OTOGL: variants seen among roughly 807,000 people sequenced by gnomAD.
The protein encoded by OTOGL is otogelin like.
Under a neutral mutation model 318.5 loss-of-function variants are expected in OTOGL, and 285 were observed. That is an observed-to-expected ratio of 0.89 (90% confidence interval 0.81 to 0.99). OTOGL has a LOEUF of 0.99. Among genes scored for constraint, OTOGL ranks in the 50% least tolerant of loss-of-function variants. The probability of loss-of-function intolerance (pLI) is 0.00; values close to 1 mark genes in which losing one functional copy is unlikely to be tolerated. For missense variants in OTOGL, 2,899 were observed against 2,845.6 expected (o/e 1.02, Z -0.43); for synonymous variants, 987 against 936.5 (o/e 1.05, Z -0.99).
chr12:80,114,005 G>T (rs926531438), intron 1 of OTOGL, among the ~76,000 whole-genome samples: 18 of 151,716 alleles, frequency 1.2e-4, no homozygotes, highest in African/African-American at 4.4e-4. Context: ...GCCTATGTGT[G>T]TCTTTGCACG....
rs1456145432 is a variant in OTOGL, at chr12:80,318,589, T to C, written c.3678T>C (p.Ser1226=). Residue 1226 remains serine (S), a synonymous_variant, in exon 33 of 59, where the codon AGT becomes AGC. Transcript: ENST00000547103. ...GPYMLASYGQ[S]GLVLGANMTS... Reference sequence around the variant, plus strand: ...ATATGCTGGCAAGCTATGGGCAGAGTGGCCTTGTTCTGGGGGCCAATATGA... The same window carrying C: ...ATATGCTGGCAAGCTATGGGCAGAGCGGCCTTGTTCTGGGGGCCAATATGA... 12 of 1,433,376 alleles carry C rather than the reference T, an allele frequency of 8.4e-6. No homozygotes were observed. The highest frequency in any genetic ancestry group is 1.1e-5 in the Non-Finnish European group (12 of 1,093,814). 88.8% of individuals were successfully genotyped at this position (1,433,376 alleles called of 1,614,324 possible).
chr12:80,122,831 C>G (rs1281938515), intron 1 of OTOGL, among the ~76,000 whole-genome samples: 1 of 152,116 alleles, frequency 6.6e-6, no homozygotes, highest in Non-Finnish European at 1.5e-5. Context: ...TTTCCAAATG[C>G]AGAAATCTAT....
intron 21 of OTOGL, 118 bp downstream of exon 21, chr12:80,266,734 T>C (rs1883007379): frequency 6.4e-6 from 7 of 1,085,846 alleles, no homozygotes; most frequent in Admixed American, 5.9e-5. Context: ...TTACTTTTTT[T>C]TTTAAAAAAC....
At chr12:80,300,772 C>G (rs948267932) in intron 27 of OTOGL, among the ~76,000 whole-genome samples, 4 of 152,086 alleles carry the variant, frequency 2.6e-5, no homozygotes, top group African/African-American at 7.2e-5. Flanking sequence ...ATCTGGAGAA[C>G]AGAGTTCCTA....
chr12:80,166,752 A>G (rs1256999244), intron 1 of OTOGL, among the ~76,000 whole-genome samples: 1 of 152,208 alleles, frequency 6.6e-6, no homozygotes, highest in African/African-American at 2.4e-5. Flanking sequence ...AATAGCAGAT[A>G]GTAGTGGAAT....
intron 24 of OTOGL, among the ~76,000 whole-genome samples, chr12:80,272,890 A>G (rs962461725): frequency 6.6e-6 from 1 of 152,134 alleles, no homozygotes; most frequent in African/African-American, 2.4e-5. Flanking sequence ...AAATAAGGCC[A>G]TAGAGCAGAT....
At chr12:80,240,849 G>T (rs1880315308) in intron 11 of OTOGL, among the ~76,000 whole-genome samples, 1 of 151,996 alleles carries the variant, frequency 6.6e-6, no homozygotes, top group Admixed American at 6.6e-5. Flanking sequence ...ATGAATGGTA[G>T]TTCATTGTAG....
Position 80,318,585 on chromosome 12 carries a change from A to G in OTOGL, c.3674A>G (p.Gln1225Arg). Reference protein sequence around the residue: ...EGPYMLASYGQSGLVLGANMT... With the variant: ...EGPYMLASYGRSGLVLGANMT... ...CCATATATGCTGGCAAGCTATGGGC[A>G]GAGTGGCCTTGTTCTGGGGGCCAAT... Residue 1225 changes from glutamine (Q) to arginine (R), a missense_variant, in exon 33 of 59, where the codon CAG becomes CGG. Physicochemically the swap from Gln to Arg is conservative, Grantham distance 43. This residue lies in a region of OTOGL where 2,607 missense variants were observed against 2,524.9 expected (regional missense o/e 1.03). Coordinates refer to ENST00000547103, the MANE Select transcript of OTOGL (RefSeq NM_001378609.3). The G allele has an allele frequency of 7.0e-7, 1 of 1,426,422 alleles. No individual in the cohort carries two copies. Among genetic ancestry groups the G allele is most frequent in the South Asian group, 1.7e-5 (1 of 60,570 alleles). The allele number at this position is 1,426,422 out of a possible 1,614,324, so 88.4% of individuals were successfully genotyped here.
chr12:80,209,176 G>T (rs1180665130), intron 1 of OTOGL, among the ~76,000 whole-genome samples: 2 of 152,086 alleles, frequency 1.3e-5, no homozygotes, highest in Non-Finnish European at 2.9e-5. Context: ...TGCAGGTGTG[G>T]GTGTAACTAA....
chr12:80,241,995 G>A (rs1237151695), intron 11 of OTOGL, among the ~76,000 whole-genome samples: 2 of 152,146 alleles, frequency 1.3e-5, no homozygotes, highest in Non-Finnish European at 2.9e-5. Flanking sequence ...TTTCATGCAT[G>A]CTTCCACTTT....
intron 33 of OTOGL, among the ~76,000 whole-genome samples, chr12:80,319,132 G>A (rs755640366): frequency 6.6e-6 from 1 of 152,136 alleles, no homozygotes; most frequent in Non-Finnish European, 1.5e-5. Context: ...AGTGTAGACA[G>A]TCATTGTGAC....
At chr12:80,188,835 TTTTG>T (rs1353719003) in intron 1 of OTOGL, among the ~76,000 whole-genome samples, 1 of 152,188 alleles carries the variant, frequency 6.6e-6, no homozygotes, top group African/African-American at 2.4e-5. Context: ...CTTTCAGTAT[TTTTG>T]TTTGAGTAAA....
intron 38 of OTOGL, 78 bp from the exon 39 acceptor site, chr12:80,335,885 T>A: frequency 7.6e-7 from 1 of 1,309,886 alleles, no homozygotes; most frequent in Non-Finnish European, 1.0e-6. Flanking sequence ...CCATGGGCAA[T>A]ATGAATGTGG....
rs749602353 is a variant in OTOGL, at chr12:80,377,953, C to T, written c.6967C>T (p.Arg2323Ter). 1.5e-5 allele frequency: 24 copies of T among 1,608,512 alleles called. No individual in the cohort carries two copies. The highest frequency in any genetic ancestry group is 6.7e-5 in the East Asian group (3 of 44,724). Reference sequence around the variant, plus strand: ...CAAGTGTTGTCGTGAAAATGGAGTACGAAACTTGTCTGTGCCTCTGTATTG... The same window carrying T: ...CAAGTGTTGTCGTGAAAATGGAGTATGAAACTTGTCTGTGCCTCTGTATTG... ...FCKCCRENGVRNLSVPLYCSG... is the reference protein window; with the variant it reads ...FCKCCRENGV Residue 2323 changes from arginine to a stop codon, truncating the protein, a stop_gained, in exon 59 of 59, where the codon CGA (arginine) becomes TGA (stop). Coordinates refer to ENST00000547103, the MANE Select transcript of OTOGL (RefSeq NM_001378609.3). LOFTEE classifies it high-confidence loss of function.
At chr12:80,314,242 C>A in intron 31 of OTOGL, 63 bp from the exon 32 acceptor site, 1 of 545,676 alleles carries the variant, frequency 1.8e-6, no homozygotes. Context: ...CCATATCTTG[C>A]CCACATTCAG....
At chr12:80,253,215 T>C (rs887212760) in intron 13 of OTOGL, among the ~76,000 whole-genome samples, 1 of 152,150 alleles carries the variant, frequency 6.6e-6, no homozygotes, top group Admixed American at 6.6e-5. Flanking sequence ...GTTTCCTTTA[T>C]TCTGTATGGT....
At chr12:80,323,024 A>T (rs1327705055) in intron 34 of OTOGL, among the ~76,000 whole-genome samples, 1 of 151,926 alleles carries the variant, frequency 6.6e-6, no homozygotes, top group African/African-American at 2.4e-5. Context: ...TAATGGATGG[A>T]CAATTACTTT....
rs569201988 is a variant in OTOGL at position 80,117,454 on chromosome 12, G to A, written c.-20+17849G>A. ...CAGAAGCCTAGACATGTAGAACCTA[G>A]CTCCACAATGCCCCTTGAATCTTCT... On this transcript the variant is annotated intron_variant, in intron 1 of 58. Coordinates refer to ENST00000547103, the MANE Select transcript of OTOGL (RefSeq NM_001378609.3). Among the ~76,000 whole-genome samples, 172 of 152,174 alleles carry A rather than the reference G, an allele frequency of 1.1e-3. 2 individuals are homozygous for A. Among genetic ancestry groups the A allele is most frequent in the Non-Finnish European group, 2.1e-3 (144 of 68,002 alleles).
intron 4 of OTOGL, among the ~76,000 whole-genome samples, chr12:80,213,461 AAC>A (rs1327899557): frequency 2.6e-5 from 4 of 152,136 alleles, no homozygotes; most frequent in African/African-American, 9.7e-5. Context: ...AAGAATGCCT[AAC>A]CTCTTGGGAA....
Sources: allele counts gnomAD v4.1 joint callset (sites outside exome capture counted in the v4.1 genomes callset), GRCh38; gene constraint gnomAD v4.1.1; regional missense constraint gnomAD v4.1.1; transcripts MANE v1.5; gene names NCBI Gene and HGNC (gene_info 2026-07-23, HGNC 2026-07-21).